Variants in CREBBP observed in about 807,000 individuals in gnomAD.
CREBBP encodes CREB binding lysine acetyltransferase.
CREBBP carries 19 observed loss-of-function variants against 265.0 expected under a neutral mutation model. The observed-to-expected ratio is 0.07, with a 90% CI of 0.05 to 0.11. CREBBP has a LOEUF of 0.11. CREBBP is among the 10% of genes least tolerant of loss of function. CREBBP has a pLI of 1.00. For missense variants in CREBBP, 2,525 were observed against 3,219.0 expected, an observed-to-expected ratio of 0.78 and a Z score of 5.22; for synonymous variants, 1,457 against 1,223.7, an observed-to-expected ratio of 1.19 and a Z score of -3.98.
chr16:3,869,641 A>C (rs2055252193), intron 1 of CREBBP, among the ~76,000 whole-genome samples: 1 of 152,192 alleles, frequency 6.6e-6, no homozygotes, highest in Non-Finnish European at 1.5e-5. Context: ...CACACTAATC[A>C]CAATTCAAGT....
intron 19 of CREBBP, among the ~76,000 whole-genome samples, chr16:3,756,778 C>T (rs890416112): frequency 6.6e-6 from 1 of 152,116 alleles, no homozygotes; most frequent in African/African-American, 2.4e-5. Context: ...TAGTAAAATC[C>T]ACATTTTCTA....
chr16:3,849,423 GTGTGTGTGT>G (rs2054746383), intron 2 of CREBBP, among the ~76,000 whole-genome samples: 39 of 9,846 alleles, frequency 4.0e-3, no homozygotes, highest in Non-Finnish European at 5.1e-3. Context: ...GTGTGTGTGT[GTGTGTGTGT>G]GTGTGTGTGT....
At chr16:3,811,960 C>T (rs183446540) in intron 2 of CREBBP, among the ~76,000 whole-genome samples, 2 of 152,064 alleles carry the variant, frequency 1.3e-5, no homozygotes, top group Admixed American at 1.3e-4. Context: ...TTTATGGAGT[C>T]AAAAGGTTAC....
chr16:3,751,855 C>T (rs753492550), intron 19 of CREBBP, 49 bp from the exon 20 acceptor site: 3 of 1,579,684 alleles, frequency 1.9e-6, no homozygotes, highest in South Asian at 1.1e-5. Flanking sequence ...TCATAACACA[C>T]AGCCACCCAA....
At position 3,727,384 on chromosome 16, in the gene CREBBP, G is replaced by C; in HGVS notation, c.*334C>G. ...TAAAAAATATGAATATAATGAACTT[G>C]TTTTTCCCGTTAAAAAAAGGCATGA... On this transcript the variant is annotated 3_prime_UTR_variant, in exon 31 of 31. Coordinates refer to ENST00000262367, the MANE Select transcript of CREBBP (RefSeq NM_004380.3). 1 of 293,364 alleles carries C rather than the reference G, an allele frequency of 3.4e-6. No individual in the cohort carries two copies. Among genetic ancestry groups the C allele is most frequent in the Non-Finnish European group, 6.4e-6 (1 of 156,104 alleles). The allele number at this position is 293,364 out of a possible 1,614,324, so 18.2% of individuals were successfully genotyped here.
At chr16:3,837,275 G>C (rs976583053) in intron 2 of CREBBP, among the ~76,000 whole-genome samples, 4 of 152,140 alleles carry the variant, frequency 2.6e-5, no homozygotes, top group African/African-American at 9.7e-5. Context: ...GTGTCTGTGT[G>C]TATGTGTGTA....
rs759599590 is a variant in CREBBP, at chr16:3,757,949, C to G, written c.3469G>C (p.Val1157Leu). The change falls in exon 18 of 31, where the codon GTC becomes CTC. Residue 1157 changes from valine (V) to leucine (L), a missense_variant. Coordinates refer to ENST00000262367, the MANE Select transcript of CREBBP (RefSeq NM_004380.3). ...CAGGCATTGTTGAACATGAGCCAGA[C>G]GTCGTCCACGTACTGCCAGGGCTCT... ...YQEPWQYVDD[V>L]WLMFNNAWLY... 4 of 1,613,914 alleles carry G rather than the reference C, an allele frequency of 2.5e-6. No individual in the cohort carries two copies. The Admixed American group carries it at 6.7e-5, about 27-fold the overall frequency.
intron 2 of CREBBP, among the ~76,000 whole-genome samples, chr16:3,818,215 T>G (rs979046565): frequency 1.3e-5 from 2 of 151,762 alleles, no homozygotes; most frequent in African/African-American, 4.8e-5. Context: ...GAAATGGCAC[T>G]GCGACGCAGA....
At chr16:3,766,541 T>C (rs1169941774) in intron 16 of CREBBP, among the ~76,000 whole-genome samples, 3 of 152,126 alleles carry the variant, frequency 2.0e-5, no homozygotes, top group Admixed American at 6.6e-5. Context: ...TTTTTTTTTT[T>C]CAGACAACAA....
rs753567100 is a variant in CREBBP, at chr16:3,868,315, A to G, written c.85+11517T>C. Among the ~76,000 whole-genome samples the G allele has an allele frequency of 1.6e-5, 2 of 128,988 alleles. 1 individual carries two copies. Among genetic ancestry groups the G allele is most frequent in the Non-Finnish European group, 3.6e-5 (2 of 54,986 alleles). The allele number at this position is 128,988 out of a possible 152,430, so 84.6% of individuals were successfully genotyped here. ...GTACAAAAATTTACTAACATCTTAA[A>G]TAAGAACACTAGTTCCAGTTCTTAA... On this transcript the variant is annotated intron_variant, in intron 1 of 30. Transcript: ENST00000262367.
At chr16:3,805,690 T>G (rs2053815086) in intron 3 of CREBBP, among the ~76,000 whole-genome samples, 1 of 152,160 alleles carries the variant, frequency 6.6e-6, no homozygotes, top group African/African-American at 2.4e-5. Context: ...GGAAGATTAG[T>G]GAAGCCTTCT....
rs749660119 is a variant in CREBBP at position 3,728,217 on chromosome 16, G to C, written c.6830C>G (p.Pro2277Arg). The C allele has an allele frequency of 6.2e-7, 1 of 1,613,532 alleles. No individual in the cohort carries two copies. The highest frequency in any genetic ancestry group is 8.5e-7 in the Non-Finnish European group (1 of 1,179,976). The change falls in exon 31 of 31, where the codon CCG becomes CGG. Residue 2277 changes from proline to arginine, a missense_variant. Pro to Arg is a moderately radical substitution (Grantham distance 103). Coordinates refer to ENST00000262367, the MANE Select transcript of CREBBP (RefSeq NM_004380.3). The surrounding 1 kb of genome is among the most constrained non-coding windows in gnomAD (Gnocchi z 8.7). ...QMGQLGQMGQPGLGADSTPNI... is the reference protein window; with the variant it reads ...QMGQLGQMGQRGLGADSTPNI... ...GGGGGTGCTGTCTGCCCCCAGCCCC[G>C]GCTGCCCCATCTGGCCAAGCTGTCC...
chr16:3,782,592 A>T, intron 6 of CREBBP, 92 bp downstream of exon 6: 1 of 1,527,450 alleles, frequency 6.5e-7, no homozygotes, highest in South Asian at 1.2e-5. Flanking sequence ...AAAAAACACA[A>T]AACAAACTGA....
intron 1 of CREBBP, among the ~76,000 whole-genome samples, chr16:3,876,067 C>G (rs1597093588): frequency 6.6e-6 from 1 of 152,050 alleles, no homozygotes; most frequent in Admixed American, 6.6e-5. Flanking sequence ...GAGACAGGGT[C>G]TCACTCTGTC....
At chr16:3,735,054 C>CAG (rs2052017419) in intron 28 of CREBBP, among the ~76,000 whole-genome samples, 7 of 152,284 alleles carry the variant, frequency 4.6e-5, no homozygotes, top group Admixed American at 3.9e-4. Context: ...CAGCCCACAC[C>CAG]CACGCCACCA....
In CREBBP at chr16:3,757,908, C is replaced by T. The variant is rs772932627; in HGVS notation, c.3510G>A (p.Lys1170=). ...MFNNAWLYNR[K]TSRVYKFCSK... Reference sequence around the variant, plus strand: ...TGCAAAACTTATAGACTCGGGATGTCTTGCGATTATAGAGCCAGGCATTGT... The same window carrying T: ...TGCAAAACTTATAGACTCGGGATGTTTTGCGATTATAGAGCCAGGCATTGT... The change falls in exon 18 of 31, where the codon AAG becomes AAA. Residue 1170 remains lysine (K), a synonymous_variant. Coordinates refer to ENST00000262367, the MANE Select transcript of CREBBP (RefSeq NM_004380.3). 6.2e-7 allele frequency: 1 copy of T among 1,614,122 alleles called. No individual in the cohort carries two copies. The highest frequency in any genetic ancestry group is 1.7e-5 in the Admixed American group (1 of 60,016).
rs1223670587 is a variant in CREBBP at position 3,727,496 on chromosome 16, A to AC, written c.*221dup. On this transcript the variant is annotated 3_prime_UTR_variant, in exon 31 of 31. Coordinates refer to ENST00000262367, the MANE Select transcript of CREBBP (RefSeq NM_004380.3). ...AAACGGAAAAAAAAGAACCCCCCCC[A>AC]CCCCCCCGCCAAAAAAAAACCAAAG... The AC allele has an allele frequency of 6.6e-4, 30 of 45,628 alleles. No homozygotes were observed. The highest frequency in any genetic ancestry group is 3.9e-3 in the East Asian group (10 of 2,572). The allele number at this position is 45,628 out of a possible 1,614,324, so 2.8% of individuals were successfully genotyped here.
At chr16:3,769,962 C>A (rs1357986599) in intron 14 of CREBBP, among the ~76,000 whole-genome samples, 1 of 152,136 alleles carries the variant, frequency 6.6e-6, no homozygotes, top group Non-Finnish European at 1.5e-5. Context: ...TTTCTGCCTC[C>A]CAGGCTCAAG....
At chr16:3,779,838 G>C (rs1329623545) in intron 8 of CREBBP, among the ~76,000 whole-genome samples, 1 of 152,170 alleles carries the variant, frequency 6.6e-6, no homozygotes, top group Non-Finnish European at 1.5e-5. Flanking sequence ...GCTTGGTGTG[G>C]TGGCTCATGC....
Sources: gnomAD v4.1 joint callset for allele counts (sites outside exome capture counted in the v4.1 genomes callset) on GRCh38, gnomAD v4.1.1 for gene constraint, Gnocchi (gnomAD v3.1) non-coding constraint, MANE v1.5 for transcripts, NCBI Gene and HGNC (gene_info 2026-07-23, HGNC 2026-07-21) for gene names.